The following NLGN1 variants were observed in gnomAD, a reference collection of about 807,000 sequenced individuals.
NLGN1 encodes neuroligin 1.
NLGN1 carries 12 observed loss-of-function variants against 65.5 expected under a neutral mutation model. The ratio of observed to expected loss-of-function variants is 0.18; its 90% CI spans 0.12 to 0.30. The LOEUF is 0.30. NLGN1 is among the 10% of genes least tolerant of loss of function. The probability of loss-of-function intolerance (pLI) is 1.00; values close to 1 mark genes in which losing one functional copy is unlikely to be tolerated. For missense variants in NLGN1, 750 were observed against 1,007.1 expected, an observed-to-expected ratio of 0.74 and a Z score of 3.46; for synonymous variants, 350 against 359.5, an observed-to-expected ratio of 0.97 and a Z score of 0.30.
chr3:174,083,157 T>A (rs1742584726), intron 4 of NLGN1, among the ~76,000 whole-genome samples: 1 of 152,192 alleles, frequency 6.6e-6, no homozygotes, highest in South Asian at 2.1e-4. Flanking sequence ...GAAAATGACA[T>A]GTATAGTAGA....
chr3:173,419,533 G>C (rs922226342), intron 1 of NLGN1, among the ~76,000 whole-genome samples: 3 of 152,096 alleles, frequency 2.0e-5, no homozygotes, highest in Non-Finnish European at 4.4e-5. Context: ...TTTGATTAAT[G>C]TGAATTGGAA....
intron 4 of NLGN1, among the ~76,000 whole-genome samples, chr3:173,973,878 A>G (rs1177655633): frequency 6.6e-6 from 1 of 152,002 alleles, no homozygotes; most frequent in Non-Finnish European, 1.5e-5. Flanking sequence ...TTTTCTGGTT[A>G]CACCCTAATA....
intron 4 of NLGN1, among the ~76,000 whole-genome samples, chr3:173,845,813 G>T (rs569092090): frequency 6.6e-6 from 1 of 152,096 alleles, no homozygotes; most frequent in Admixed American, 6.6e-5. Flanking sequence ...TTGACTCTTA[G>T]ATTTTTTTCA....
chr3:173,516,311 A>C (rs78143023), intron 2 of NLGN1, among the ~76,000 whole-genome samples: 1,792 of 152,156 alleles, frequency 0.012, 29 homozygotes, highest in African/African-American at 0.038. Context: ...AATATGTCTA[A>C]TCCATACAAC....
chr3:174,230,686 G>A (rs78512717), intron 4 of NLGN1, among the ~76,000 whole-genome samples: 1 of 152,158 alleles, frequency 6.6e-6, no homozygotes, highest in African/African-American at 2.4e-5. Context: ...CAGCTACTGA[G>A]GGGGTGGAGG....
intron 4 of NLGN1, among the ~76,000 whole-genome samples, chr3:173,955,951 G>GA: frequency 6.6e-6 from 1 of 151,956 alleles, no homozygotes; most frequent in East Asian, 1.9e-4. Context: ...AGTTTAACGT[G>GA]AAAAAATAAA....
At chr3:173,499,520 A>T (rs1053488937) in intron 2 of NLGN1, among the ~76,000 whole-genome samples, 3 of 151,736 alleles carry the variant, frequency 2.0e-5, no homozygotes, top group Non-Finnish European at 2.9e-5. Flanking sequence ...TTGCGTTAGG[A>T]TTGACTTGGC....
chr3:173,993,824 C>T (rs1012889285), intron 4 of NLGN1, among the ~76,000 whole-genome samples: 8 of 151,164 alleles, frequency 5.3e-5, no homozygotes, highest in African/African-American at 1.9e-4. Flanking sequence ...TATATATTTT[C>T]CTCCACCCTG....
intron 4 of NLGN1, among the ~76,000 whole-genome samples, chr3:174,062,522 A>G (rs999258946): frequency 4.6e-5 from 7 of 152,084 alleles, no homozygotes; most frequent in Non-Finnish European, 1.0e-4. Flanking sequence ...AATGCCAACT[A>G]AGAAGACAGT....
chr3:173,631,843 GT>G (rs1361900543), intron 3 of NLGN1, among the ~76,000 whole-genome samples: 3 of 151,874 alleles, frequency 2.0e-5, no homozygotes, highest in Non-Finnish European at 4.4e-5. Context: ...TTAAAATTAA[GT>G]TTTGGGTGAA....
intron 4 of NLGN1, among the ~76,000 whole-genome samples, chr3:174,173,850 T>G (rs1270455611): frequency 6.6e-6 from 1 of 152,048 alleles, no homozygotes; most frequent in Non-Finnish European, 1.5e-5. Context: ...CCAAAGCTTA[T>G]TGGGGAACAG....
intron 2 of NLGN1, among the ~76,000 whole-genome samples, chr3:173,594,635 C>T (rs12491814): frequency 8.5e-5 from 13 of 152,194 alleles, no homozygotes; most frequent in African/African-American, 3.1e-4. Flanking sequence ...GGTGTTTCCC[C>T]AGTAGGGACT....
chr3:173,608,173 A>C (rs550875897), intron 3 of NLGN1, among the ~76,000 whole-genome samples: 177 of 152,054 alleles, frequency 1.2e-3, no homozygotes, highest in African/African-American at 4.1e-3. Context: ...GAGCATTTAC[A>C]ATATTTTCCT....
At chr3:173,694,424 T>C (rs753765470) in intron 3 of NLGN1, among the ~76,000 whole-genome samples, 21 of 152,172 alleles carry the variant, frequency 1.4e-4, no homozygotes, top group Non-Finnish European at 2.9e-4. Flanking sequence ...TTATGTTTGG[T>C]TCATTGGGAC....
At chr3:174,201,554 C>A in intron 4 of NLGN1, among the ~76,000 whole-genome samples, 1 of 12,376 alleles carries the variant, frequency 8.1e-5, no homozygotes, top group Non-Finnish European at 1.8e-4. Flanking sequence ...CAGCAATAGG[C>A]AGGTTACAAA....
intron 1 of NLGN1, among the ~76,000 whole-genome samples, chr3:173,411,314 G>A (rs891324596): frequency 3.3e-5 from 5 of 152,142 alleles, no homozygotes; most frequent in African/African-American, 1.2e-4. Flanking sequence ...TTGAAAGAGT[G>A]GTCATCAGAG....
chr3:173,991,683 C>T (rs1270541919), intron 4 of NLGN1, among the ~76,000 whole-genome samples: 4 of 152,170 alleles, frequency 2.6e-5, no homozygotes, highest in Admixed American at 6.5e-5. Flanking sequence ...AATACTTCTT[C>T]TTTCATACCT....
chr3:174,104,945 ATGACT>A (rs771235327), intron 4 of NLGN1, among the ~76,000 whole-genome samples: 6 of 152,138 alleles, frequency 3.9e-5, no homozygotes, highest in Non-Finnish European at 7.4e-5. Context: ...AGGAAATTAC[ATGACT>A]TGATATGAGT....
chr3:173,870,806 A>G (rs922472500), intron 4 of NLGN1, among the ~76,000 whole-genome samples: 1 of 152,206 alleles, frequency 6.6e-6, no homozygotes, highest in South Asian at 2.1e-4. Context: ...CCTGGCACAG[A>G]GCTACTAAAA....
Sources: allele counts gnomAD v4.1 joint callset (sites outside exome capture counted in the v4.1 genomes callset), GRCh38; gene constraint gnomAD v4.1.1; transcripts MANE v1.5; gene names NCBI Gene and HGNC (gene_info 2026-07-23, HGNC 2026-07-21).